The following LRGUK variants were observed in gnomAD, a reference collection of about 807,000 sequenced individuals.
LRGUK encodes the protein leucine-rich repeat and guanylate kinase domain-containing protein.
Under a neutral mutation model 76.0 loss-of-function variants are expected in LRGUK, and 65 were observed. The observed-to-expected ratio is 0.85, with a 90% CI of 0.70 to 1.05. LRGUK has a LOEUF of 1.05. Among genes scored for constraint, LRGUK ranks in the 50% least tolerant of loss-of-function variants. The pLI, the probability that LRGUK is intolerant of heterozygous loss-of-function variation, is 0.00. For missense variants in LRGUK, 758 were observed against 732.8 expected, an observed-to-expected ratio of 1.03 and a Z score of -0.40; for synonymous variants, 268 against 265.6, an observed-to-expected ratio of 1.01 and a Z score of -0.09.
At chr7:134,174,677 A>G in intron 8 of LRGUK, 41 bp downstream of exon 8, 2 of 1,146,112 alleles carry the variant, frequency 1.7e-6, no homozygotes, top group Non-Finnish European at 2.6e-6. Flanking sequence ...CAGAGAAGAA[A>G]GTGGGATGGT....
intron 15 of LRGUK, among the ~76,000 whole-genome samples, chr7:134,217,856 T>A (rs563771100): frequency 6.6e-6 from 1 of 152,322 alleles, no homozygotes; most frequent in South Asian, 2.1e-4. Context: ...TTACAGGTAT[T>A]TACATCATAT....
intron 19 of LRGUK, among the ~76,000 whole-genome samples, chr7:134,259,812 C>T (rs1379029298): frequency 2.0e-5 from 3 of 152,146 alleles, no homozygotes; most frequent in Non-Finnish European, 4.4e-5. Context: ...AGGCTGGGAC[C>T]TGCCACTCCA....
chr7:134,201,177 T>C (rs1401468121), intron 14 of LRGUK, among the ~76,000 whole-genome samples: 1 of 152,140 alleles, frequency 6.6e-6, no homozygotes, highest in Admixed American at 6.6e-5. Flanking sequence ...GCCTGGATAA[T>C]CTCCCTTTTG....
rs377697313 is a variant in LRGUK at position 134,263,991 on chromosome 7, C to G, written c.*16C>G. The G allele has an allele frequency of 2.0e-5, 32 of 1,595,558 alleles. No individual in the cohort carries two copies. The Admixed American group carries it at 4.4e-4, about 22-fold the overall frequency. The stretch of plus-strand genomic sequence containing the variant: ...CCGCAGGTAGACTAGCACTTGATGT[C>G]TGATCCTAACATGGAAAACCTGCTC... On this transcript the variant is annotated 3_prime_UTR_variant, in exon 20 of 20. Coordinates refer to the LRGUK transcript ENST00000285928.
chr7:134,201,373 A>AAT, intron 14 of LRGUK, 108 bp from the exon 15 acceptor site: 1 of 806,984 alleles, frequency 1.2e-6, no homozygotes, highest in Non-Finnish European at 2.0e-6. Flanking sequence ...TGCCTACCAT[A>AAT]ATATATATAA....
At chr7:134,227,482 A>T (rs1372648783) in intron 16 of LRGUK, among the ~76,000 whole-genome samples, 1 of 152,210 alleles carries the variant, frequency 6.6e-6, no homozygotes, top group Non-Finnish European at 1.5e-5. Context: ...TCTAATGCAT[A>T]ATGAAAAATA....
chr7:134,197,205 C>A, intron 13 of LRGUK, 100 bp downstream of exon 13: 1 of 681,950 alleles, frequency 1.5e-6, no homozygotes, highest in Non-Finnish European at 2.5e-6. Context: ...AAACTTTTTA[C>A]TGATACATAA....
At chr7:134,168,207 A>G (rs577116459) in intron 7 of LRGUK, among the ~76,000 whole-genome samples, 246 of 152,136 alleles carry the variant, frequency 1.6e-3, no homozygotes, top group Non-Finnish European at 1.3e-3. Flanking sequence ...AAAAATAATA[A>G]TAATAAAAAA....
At chr7:134,271,953 T>TA in the LRGUK span, among the ~76,000 whole-genome samples, 1 of 152,166 alleles carries the variant, frequency 6.6e-6, no homozygotes, top group Non-Finnish European at 1.5e-5. Context: ...GATAGTATAA[T>TA]AAAAAATAAC....
chr7:134,231,202 G>T (rs1408755551), intron 16 of LRGUK, among the ~76,000 whole-genome samples: 1 of 152,154 alleles, frequency 6.6e-6, no homozygotes, highest in African/African-American at 2.4e-5. Flanking sequence ...ACATTAGGGG[G>T]AGACCCAGCT....
At chr7:134,239,310 C>A (rs1802080924) in intron 16 of LRGUK, among the ~76,000 whole-genome samples, 1 of 152,192 alleles carries the variant, frequency 6.6e-6, no homozygotes, top group African/African-American at 2.4e-5. Context: ...CAAAGGGAAG[C>A]CATGACAGAT....
chr7:134,144,144 C>T (rs1201379829), intron 4 of LRGUK, among the ~76,000 whole-genome samples: 1 of 152,182 alleles, frequency 6.6e-6, no homozygotes, highest in Non-Finnish European at 1.5e-5. Flanking sequence ...ACCACAACTT[C>T]AGCCTCCTGG....
intron 5 of LRGUK, among the ~76,000 whole-genome samples, chr7:134,151,816 A>G (rs572395593): frequency 2.0e-5 from 3 of 152,244 alleles, no homozygotes; most frequent in African/African-American, 7.2e-5. Flanking sequence ...CTCAACAGAT[A>G]TAGACAATTT....
intron 1 of LRGUK, among the ~76,000 whole-genome samples, chr7:134,135,584 CT>C (rs1404006049): frequency 6.6e-6 from 1 of 152,190 alleles, no homozygotes; most frequent in East Asian, 1.9e-4. Context: ...TCAGTGAAAA[CT>C]TTACCTCCCC....
At chr7:134,229,150 A>C (rs1015306054) in intron 16 of LRGUK, among the ~76,000 whole-genome samples, 1 of 152,110 alleles carries the variant, frequency 6.6e-6, no homozygotes, top group Non-Finnish European at 1.5e-5. Context: ...CTGAGATGAG[A>C]GGATCACTTG....
chr7:134,270,050 C>A, the LRGUK span, among the ~76,000 whole-genome samples: 3 of 152,108 alleles, frequency 2.0e-5, no homozygotes, highest in Non-Finnish European at 4.4e-5. Context: ...GATGACTACT[C>A]TCATCACTCA....
chr7:134,127,446 G>A (rs1797047784), exon 1 of LRGUK: 2 of 1,613,858 alleles, frequency 1.2e-6, no homozygotes, highest in Admixed American at 3.3e-5. Context: ...CCGAACTGGA[G>A]CCCGATCGTT....
intron 14 of LRGUK, among the ~76,000 whole-genome samples, chr7:134,201,058 A>G (rs1417614619): frequency 6.6e-6 from 1 of 152,200 alleles, no homozygotes; most frequent in Non-Finnish European, 1.5e-5. Context: ...TCTTCAAGCC[A>G]GCACCAGCAC....
At chr7:134,244,461 C>T (rs1294149841) in intron 16 of LRGUK, among the ~76,000 whole-genome samples, 1 of 152,184 alleles carries the variant, frequency 6.6e-6, no homozygotes, top group Non-Finnish European at 1.5e-5. Context: ...ACATGCTCAT[C>T]ATTACTGGCC....
Sources: allele counts gnomAD v4.1 joint callset (sites outside exome capture counted in the v4.1 genomes callset), GRCh38; gene constraint gnomAD v4.1.1; transcripts MANE v1.5; gene names NCBI Gene and HGNC (gene_info 2026-07-23, HGNC 2026-07-21).